Variants in RGMA observed in about 807,000 individuals in gnomAD.
RGMA encodes the protein repulsive guidance molecule BMP co-receptor a, also known as repulsive guidance molecule A.
RGMA carries 10 observed loss-of-function variants against 23.2 expected under a neutral mutation model. That is an observed-to-expected ratio of 0.43 (90% CI 0.27 to 0.73). RGMA has a LOEUF of 0.73. RGMA is among the 30% of genes least tolerant of loss of function. RGMA has a pLI of 0.20. For missense variants in RGMA, 547 were observed against 630.5 expected (o/e 0.87, Z 1.42); for synonymous variants, 308 against 279.3 (o/e 1.10, Z -1.03).
chr15:93,038,566 G>GTTTTTTTTTTTTTTTTTTTTTTTTTTT lies in RGMA; in HGVS notation c.*6431_*6432insAAAAAAAAAAAAAAAAAAAAAAAAAAA, dbSNP rs1178389064. ...ATTGCCTTAATGAACGAAACTGTTA[G>GTTTTTTTTTTTTTTTTTTTTTTTTTTT]TTGTTTTTTTTTTTTTTTTGAGACG... On this transcript the variant is annotated 3_prime_UTR_variant, in exon 4 of 4. Coordinates refer to ENST00000329082, the MANE Select transcript of RGMA (RefSeq NM_020211.3). The GTTTTTTTTTTTTTTTTTTTTTTTTTTT allele has an allele frequency of 3.6e-5, 3 of 84,488 alleles. No individual in the cohort carries two copies. The highest frequency in any genetic ancestry group is 8.4e-5 in the African/African-American group (2 of 23,674). 5.2% of individuals were successfully genotyped at this position (84,488 alleles called of 1,614,324 possible).
intron 3 of RGMA, among the ~76,000 whole-genome samples, chr15:93,049,338 C>T (rs1489904081): frequency 1.3e-5 from 2 of 152,184 alleles, no homozygotes; most frequent in Non-Finnish European, 2.9e-5. Context: ...TGCAGAGGGA[C>T]AGGCTGGCAA....
At position 93,040,909 on chromosome 15, in the gene RGMA, C is replaced by T. The variant is rs1380746448; in HGVS notation, c.*4089G>A. 5.3e-5 allele frequency: 8 copies of T among 152,152 alleles called. No individual in the cohort carries two copies. The highest frequency in any genetic ancestry group is 3.9e-4 in the Admixed American group (6 of 15,262). The allele number at this position is 152,152 out of a possible 1,614,324, so 9.4% of individuals were successfully genotyped here. A position where few individuals can be genotyped will look rare whatever the true frequency, so the allele number is the denominator to read the frequency against. On this transcript the variant is annotated 3_prime_UTR_variant, in exon 4 of 4. Coordinates refer to ENST00000329082, the MANE Select transcript of RGMA (RefSeq NM_020211.3). ...GCTCACTGGATTTCCATACTGACCT[C>T]GGGAGGTGGAGACTCACAAATCCAT...
Position 93,038,594 on chromosome 15 carries a change from G to A in RGMA, c.*6404C>T, listed in dbSNP as rs2054687225. 1 of 73,262 alleles carries A rather than the reference G, an allele frequency of 1.4e-5. No individual in the cohort carries two copies. Among genetic ancestry groups the A allele is most frequent in the East Asian group, 2.2e-4 (1 of 4,546 alleles). The allele number at this position is 73,262 out of a possible 1,614,324, so 4.5% of individuals were successfully genotyped here. Reference sequence around the variant, plus strand: ...GTTTTTTTTTTTTTTTTGAGACGGTGTCTTGCTCTGTCGCCCAGGCTGGAG... The same window carrying A: ...GTTTTTTTTTTTTTTTTGAGACGGTATCTTGCTCTGTCGCCCAGGCTGGAG... On this transcript the variant is annotated 3_prime_UTR_variant, in exon 4 of 4. Transcript: ENST00000329082.
intron 1 of RGMA, among the ~76,000 whole-genome samples, chr15:93,084,748 C>T (rs1018564730): frequency 6.6e-6 from 1 of 152,154 alleles, no homozygotes; most frequent in Non-Finnish European, 1.5e-5. Flanking sequence ...GCTGGGATTA[C>T]AGGAGTGAAC....
At chr15:93,073,271 C>T (rs1895400540) in intron 1 of RGMA, 2 of 935,976 alleles carry the variant, frequency 2.1e-6, no homozygotes, top group South Asian at 1.0e-4. Context: ...CCCCCTCGCG[C>T]TCGGGTTTCA....
chr15:93,085,324 G>A (rs1291566393), intron 1 of RGMA, among the ~76,000 whole-genome samples: 2 of 152,118 alleles, frequency 1.3e-5, no homozygotes, highest in East Asian at 1.9e-4. Flanking sequence ...ACTCATACCC[G>A]CTGATCTCTG....
In RGMA at chr15:93,079,897, G is replaced by A. The variant is rs569407909; in HGVS notation, c.15-6866C>T. Among the ~76,000 whole-genome samples the A allele has an allele frequency of 2.2e-4, 34 of 152,244 alleles. No homozygotes were observed. The East Asian group carries it at 2.7e-3, about 12-fold the overall frequency. ...ACAGGGTGCATGCCTGTGGACACAG[G>A]TGCCACATGAAAGGACAGTTGTACA... On this transcript the variant is annotated intron_variant, in intron 1 of 3. Transcript: ENST00000329082.
At chr15:93,046,258 GAGA>G (rs2054822961) in intron 3 of RGMA, among the ~76,000 whole-genome samples, 1 of 152,266 alleles carries the variant, frequency 6.6e-6, no homozygotes, top group African/African-American at 2.4e-5. Context: ...TAGGACAGAG[GAGA>G]AGGTGATGTG....
At chr15:93,061,125 G>C (rs1160829976) in intron 2 of RGMA, among the ~76,000 whole-genome samples, 2 of 152,148 alleles carry the variant, frequency 1.3e-5, no homozygotes. Flanking sequence ...TCTTCGTCCT[G>C]GCGTCCATAC....
At chr15:93,047,504 C>CCT (rs2054843113) in intron 3 of RGMA, among the ~76,000 whole-genome samples, 1 of 152,162 alleles carries the variant, frequency 6.6e-6, no homozygotes, top group Non-Finnish European at 1.5e-5. Flanking sequence ...GCTGCACTAC[C>CCT]CTCTCCCAGG....
intron 2 of RGMA, among the ~76,000 whole-genome samples, chr15:93,059,630 G>A (rs2055070316): frequency 6.6e-6 from 1 of 152,160 alleles, no homozygotes; most frequent in Non-Finnish European, 1.5e-5. Context: ...CCATGCGAGG[G>A]GCTGGGCAGT....
Position 93,039,555 on chromosome 15 carries a change from CCACT to C in RGMA, c.*5439_*5442del, listed in dbSNP as rs1651634667. 6.6e-6 allele frequency: 1 copy of C among 152,104 alleles called. No individual in the cohort carries two copies. The highest frequency in any genetic ancestry group is 1.5e-5 in the Non-Finnish European group (1 of 68,052). 9.4% of individuals were successfully genotyped at this position (152,104 alleles called of 1,614,324 possible). On this transcript the variant is annotated 3_prime_UTR_variant, in exon 4 of 4. Coordinates refer to ENST00000329082, the MANE Select transcript of RGMA (RefSeq NM_020211.3). The stretch of plus-strand genomic sequence containing the variant: ...TGCTCTCCCTCCCCCAGCCCCCCAC[CCACT>C]GACAGGCCCCAGTGTGTGATGTTCC...
intron 2 of RGMA, among the ~76,000 whole-genome samples, chr15:93,059,920 G>A (rs762104951): frequency 1.3e-5 from 2 of 152,230 alleles, no homozygotes; most frequent in African/African-American, 2.4e-5. Context: ...AGGAAGGAAA[G>A]TTTGAGCTGA....
chr15:93,051,726 G>C lies in RGMA; in HGVS notation c.645+267C>G, dbSNP rs572517805. On this transcript the variant is annotated intron_variant, in intron 3 of 3. Transcript: ENST00000329082. ...AGCATTCCAGCTGACTACGCACTTG[G>C]GGTGGGAAGGTCACTTGGCCTCTTA... 3.3e-5 allele frequency among the ~76,000 whole-genome samples: 5 copies of C among 152,360 alleles called. No homozygotes were observed. In the South Asian group the frequency reaches 1.0e-3, roughly 32 times the overall value.
At chr15:93,085,608 G>T (rs1048137150) in intron 1 of RGMA, among the ~76,000 whole-genome samples, 1 of 152,244 alleles carries the variant, frequency 6.6e-6, no homozygotes, top group Non-Finnish European at 1.5e-5. Context: ...CATTTCGTAA[G>T]TTGGGTAGGT....
chr15:93,044,170 C>G lies in RGMA; in HGVS notation c.*828G>C, dbSNP rs1245309029. 1 of 152,374 alleles carries G rather than the reference C, an allele frequency of 6.6e-6. No individual in the cohort carries two copies. Among genetic ancestry groups the G allele is most frequent in the African/African-American group, 2.4e-5 (1 of 41,468 alleles). 9.4% of individuals were successfully genotyped at this position (152,374 alleles called of 1,614,324 possible). On this transcript the variant is annotated 3_prime_UTR_variant, in exon 4 of 4. Transcript: ENST00000329082. Reference sequence around the variant, plus strand: ...GGGTCTCCTGCCACACCCTGGGGCCCAGGCACCCCTGCCCAGGAGCTCTTG... The same window carrying G: ...GGGTCTCCTGCCACACCCTGGGGCCGAGGCACCCCTGCCCAGGAGCTCTTG...
At chr15:93,066,714 G>C (rs948519408) in intron 2 of RGMA, 1 of 355,466 alleles carries the variant, frequency 2.8e-6, no homozygotes, top group Non-Finnish European at 5.4e-6. Flanking sequence ...GGTAGAGACA[G>C]GTTGGCCAGG....
At chr15:93,052,535 C>A in intron 2 of RGMA, 28 bp from the exon 3 acceptor site, 1 of 1,529,724 alleles carries the variant, frequency 6.5e-7, no homozygotes, top group South Asian at 1.2e-5. Context: ...AACACACCGT[C>A]GGGGTGCAGC....
At chr15:93,066,263 G>A (rs1269795430) in intron 2 of RGMA, 3 of 1,137,514 alleles carry the variant, frequency 2.6e-6, no homozygotes, top group South Asian at 1.2e-5. Flanking sequence ...TAGCTGTCTG[G>A]TGAACAAAGA....
Sources: allele counts gnomAD v4.1 joint callset (sites outside exome capture counted in the v4.1 genomes callset), GRCh38; gene constraint gnomAD v4.1.1; transcripts MANE v1.5; gene names NCBI Gene and HGNC (gene_info 2026-07-23, HGNC 2026-07-21).